Variants in CYP2C18 observed in about 807,000 individuals in gnomAD.
CYP2C18 encodes cytochrome P450 2C18.
In CYP2C18, 38 loss-of-function variants were observed where a neutral mutation model predicts 41.3. The ratio of observed to expected loss-of-function variants is 0.92; its 90% confidence interval spans 0.71 to 1.21. The LOEUF (loss-of-function observed/expected upper bound fraction) is 1.21, where lower values mean the gene tolerates loss of function less well. Among genes scored for constraint, CYP2C18 ranks in the 50% most tolerant of loss-of-function variants. The pLI, the probability that CYP2C18 is intolerant of heterozygous loss-of-function variation, is 0.00. For missense variants in CYP2C18, 635 were observed against 591.4 expected (o/e 1.07, Z -0.77); for synonymous variants, 236 against 210.0 (o/e 1.12, Z -1.07).
rs1436750767 is a variant in CYP2C18, at chr10:94,720,504, C to T, written c.928C>T (p.Leu310Phe). 1.9e-6 allele frequency: 3 copies of T among 1,613,324 alleles called. No individual in the cohort carries two copies. The Admixed American group carries it at 5.0e-5, about 27-fold the overall frequency. ...AACGAGCACCACTCTGAGATATGGA[C>T]TCCTGCTCCTGCTGAAGTACCCAGA... ...ETTSTTLRYG[L>F]LLLLKYPEVT... The change falls in exon 6 of 9, where the codon CTC becomes TTC. Residue 310 changes from leucine (L) to phenylalanine (F), a missense_variant. Physicochemically the swap from Leu to Phe is conservative, Grantham distance 22. Transcript: ENST00000285979.
chr10:94,727,094 G>A (rs1210892429), intron 7 of CYP2C18, among the ~76,000 whole-genome samples: 2 of 151,948 alleles, frequency 1.3e-5, no homozygotes, highest in Non-Finnish European at 2.9e-5. Flanking sequence ...AATACAAATA[G>A]CCATGGATCA....
intron 5 of CYP2C18, among the ~76,000 whole-genome samples, chr10:94,708,448 G>A (rs967488409): frequency 2.0e-5 from 3 of 152,112 alleles, no homozygotes; most frequent in African/African-American, 7.2e-5. Context: ...TTAATTCCAG[G>A]TTAAGGAGAA....
chr10:94,691,007 T>C (rs1318004018), intron 3 of CYP2C18, among the ~76,000 whole-genome samples: 1 of 152,198 alleles, frequency 6.6e-6, no homozygotes, highest in East Asian at 1.9e-4. Flanking sequence ...AAATTAGGTA[T>C]TGATAGGACG....
intron 4 of CYP2C18, among the ~76,000 whole-genome samples, chr10:94,695,647 G>GT (rs1431468875): frequency 6.6e-6 from 1 of 152,050 alleles, no homozygotes; most frequent in Non-Finnish European, 1.5e-5. Context: ...AGGACAGTGG[G>GT]TGCAGCACAA....
At chr10:94,684,067 A>G in intron 1 of CYP2C18, 80 bp downstream of exon 1, 1 of 1,016,358 alleles carries the variant, frequency 9.8e-7, no homozygotes, top group Non-Finnish European at 1.4e-6. Context: ...TTCATTTTAA[A>G]GTGATAAATG....
intron 4 of CYP2C18, among the ~76,000 whole-genome samples, chr10:94,696,958 C>T (rs1040251556): frequency 1.3e-5 from 2 of 152,114 alleles, no homozygotes; most frequent in African/African-American, 4.8e-5. Context: ...TGAACAAAGC[C>T]TCCAAGAAAT....
intron 1 of CYP2C18, among the ~76,000 whole-genome samples, chr10:94,685,991 A>AT (rs1846880902): frequency 6.6e-6 from 1 of 151,986 alleles, no homozygotes; most frequent in Non-Finnish European, 1.5e-5. Flanking sequence ...TAATATGGAC[A>AT]TTTTTCCACT....
intron 2 of CYP2C18, 88 bp downstream of exon 2, chr10:94,688,020 A>C: frequency 5.0e-6 from 8 of 1,596,242 alleles, no homozygotes; most frequent in Non-Finnish European, 6.8e-6. Flanking sequence ...ACAGGCTTGA[A>C]GAGCTCCTGG....
chr10:94,697,074 G>A (rs1201369992), intron 4 of CYP2C18, among the ~76,000 whole-genome samples: 1 of 152,204 alleles, frequency 6.6e-6, no homozygotes, highest in Non-Finnish European at 1.5e-5. Context: ...TTATCCAGGA[G>A]AACTTCCCCA....
intron 6 of CYP2C18, among the ~76,000 whole-genome samples, chr10:94,722,284 T>C (rs1251185772): frequency 6.6e-6 from 1 of 152,190 alleles, no homozygotes; most frequent in Non-Finnish European, 1.5e-5. Context: ...TTAGGGTCAA[T>C]AGTTTTATCT....
intron 1 of CYP2C18, 65 bp from the exon 2 acceptor site, chr10:94,687,705 C>A: frequency 7.3e-7 from 1 of 1,362,042 alleles, no homozygotes; most frequent in Non-Finnish European, 1.0e-6. Context: ...CAGTCTGAAT[C>A]ACGGACAATA....
chr10:94,693,568 G>A (rs550608861), intron 3 of CYP2C18, among the ~76,000 whole-genome samples: 2 of 152,256 alleles, frequency 1.3e-5, no homozygotes, highest in South Asian at 4.1e-4. Context: ...TCATATGCAT[G>A]CACAAACACA....
chr10:94,701,229 A>G (rs913061975), intron 4 of CYP2C18, among the ~76,000 whole-genome samples: 1 of 152,218 alleles, frequency 6.6e-6, no homozygotes, highest in Non-Finnish European at 1.5e-5. Context: ...CAAATATCCA[A>G]CAATGATAGA....
At chr10:94,726,806 C>T (rs1203335194) in intron 7 of CYP2C18, among the ~76,000 whole-genome samples, 1 of 152,072 alleles carries the variant, frequency 6.6e-6, no homozygotes, top group Non-Finnish European at 1.5e-5. Flanking sequence ...TTTTTAGTTG[C>T]TATTCTGCAA....
Position 94,735,250 on chromosome 10 carries a change from C to T in CYP2C18, c.1292-13C>T. Reference sequence around the variant, plus strand: ...TGTTCAAGGAACAAATCCCCTATGTCTCTTATTTTCAGGAAAACGGATGTG... The same window carrying T: ...TGTTCAAGGAACAAATCCCCTATGTTTCTTATTTTCAGGAAAACGGATGTG... On this transcript the variant is annotated splice_polypyrimidine_tract_variant and intron_variant, in intron 8 of 8. Coordinates refer to ENST00000285979, the MANE Select transcript of CYP2C18 (RefSeq NM_000772.3). 1.2e-6 allele frequency: 2 copies of T among 1,612,886 alleles called. No homozygotes were observed. Among genetic ancestry groups the T allele is most frequent in the Non-Finnish European group, 1.7e-6 (2 of 1,179,234 alleles).
chr10:94,708,895 A>G (rs1041244755), intron 5 of CYP2C18, among the ~76,000 whole-genome samples: 1 of 152,186 alleles, frequency 6.6e-6, no homozygotes, highest in Non-Finnish European at 1.5e-5. Flanking sequence ...TTGACATAGC[A>G]TGTATCAGTA....
At chr10:94,694,548 G>A (rs936688101) in intron 3 of CYP2C18, among the ~76,000 whole-genome samples, 1 of 152,088 alleles carries the variant, frequency 6.6e-6, no homozygotes, top group South Asian at 2.1e-4. Flanking sequence ...TTGTCTACAA[G>A]CTTTTCAGAC....
rs200116592 is a variant in CYP2C18, at chr10:94,714,390, A to C, written c.820-6006A>C. Among the ~76,000 whole-genome samples, 17 of 152,310 alleles carry C rather than the reference A, an allele frequency of 1.1e-4. No individual in the cohort carries two copies. In the East Asian group the frequency reaches 3.1e-3, roughly 28 times the overall value. ...GGAAGGGATCCAGTTTCAGCTTTCTACATATGGCTAGCCAGTTTTCCCAGT... is the reference window on the plus strand; with the variant it reads ...GGAAGGGATCCAGTTTCAGCTTTCTCCATATGGCTAGCCAGTTTTCCCAGT... On this transcript the variant is annotated intron_variant, in intron 5 of 8. Transcript: ENST00000285979.
At chr10:94,693,108 A>G (rs1157574665) in intron 3 of CYP2C18, among the ~76,000 whole-genome samples, 10 of 152,208 alleles carry the variant, frequency 6.6e-5, no homozygotes, top group African/African-American at 2.4e-4. Flanking sequence ...GCACACGTAT[A>G]CATATGTAAC....
Sources: gnomAD v4.1 joint callset for allele counts (sites outside exome capture counted in the v4.1 genomes callset) on GRCh38, gnomAD v4.1.1 for gene constraint, MANE v1.5 for transcripts, NCBI Gene and HGNC (gene_info 2026-07-23, HGNC 2026-07-21) for gene names.